Variants in IPO11 observed in about 807,000 individuals in gnomAD.
The protein encoded by IPO11 is importin-11.
In IPO11, 66 loss-of-function variants were observed where a neutral mutation model predicts 143.2. The observed-to-expected ratio is 0.46, with a 90% CI of 0.38 to 0.57. IPO11 has a LOEUF of 0.57. Ranked by LOEUF, IPO11 falls within the 20% of genes least tolerant of loss-of-function variation. The pLI, the probability that IPO11 is intolerant of heterozygous loss-of-function variation, is 0.00. For missense variants in IPO11, 1,026 were observed against 1,141.0 expected, an observed-to-expected ratio of 0.90 and a Z score of 1.45; for synonymous variants, 385 against 377.8, an observed-to-expected ratio of 1.02 and a Z score of -0.22.
Position 62,627,290 on chromosome 5 carries a change from A to G in IPO11, c.2900A>G (p.Gln967Arg). ...ACAGTGGATACGGAGATTGTCACCC[A>G]GCTACAGGAGTTTTTGCAAGGATTC... ...METVDTEIVTQLQEFLQGF is the reference protein window; with the variant it reads ...METVDTEIVTRLQEFLQGF The change falls in exon 30 of 30, where the codon CAG (glutamine) becomes CGG (arginine). Residue 967 changes from glutamine (Q) to arginine (R), a missense_variant. Physicochemically the swap from Gln to Arg is conservative, Grantham distance 43. Coordinates refer to ENST00000325324, the MANE Select transcript of IPO11 (RefSeq NM_016338.5). The G allele has an allele frequency of 6.2e-7, 1 of 1,613,838 alleles. No individual in the cohort carries two copies. The highest frequency in any genetic ancestry group is 1.1e-5 in the South Asian group (1 of 91,024).
intron 19 of IPO11, among the ~76,000 whole-genome samples, chr5:62,510,997 G>A (rs1478513294): frequency 3.3e-5 from 5 of 152,156 alleles, no homozygotes; most frequent in Non-Finnish European, 5.9e-5. Flanking sequence ...GCCTCGCAAA[G>A]TGCTGGGATT....
At chr5:62,528,826 A>G (rs910513189) in intron 21 of IPO11, among the ~76,000 whole-genome samples, 3 of 152,136 alleles carry the variant, frequency 2.0e-5, no homozygotes, top group Non-Finnish European at 4.4e-5. Context: ...GGGAATTTGA[A>G]TTTATTAGGG....
chr5:62,506,302 C>T lies in IPO11; in HGVS notation c.1727C>T (p.Thr576Ile), dbSNP rs200424592. 9 of 1,609,686 alleles carry T rather than the reference C, an allele frequency of 5.6e-6. No individual in the cohort carries two copies. Residue 576 changes from threonine (T) to isoleucine (I), a missense_variant, in exon 19 of 30, where the codon ACA (threonine) becomes ATA (isoleucine). Physicochemically the swap from Thr to Ile is moderately conservative, Grantham distance 89. This residue lies in a region of IPO11 where 237 missense variants were observed against 288.0 expected (regional missense o/e 0.82). Coordinates refer to ENST00000325324, the MANE Select transcript of IPO11 (RefSeq NM_016338.5). ...CTGCAGCAAGTTACAGAATGTGACA[C>T]AAAGATGCATGTTTTGCATGTCCTT... ...QLLQQVTECDTKMHVLHVLSC... is the reference protein window; with the variant it reads ...QLLQQVTECDIKMHVLHVLSC...
In IPO11 at chr5:62,585,870, G is replaced by A. The variant is rs910728413; in HGVS notation, c.2583-5707G>A. ...TGTTGATGAATTGAGTAAATGGAAG[G>A]GTAAATGAGAAGGAAGGTCAAAACT... On this transcript the variant is annotated intron_variant, in intron 27 of 29. Transcript: ENST00000325324. Among the ~76,000 whole-genome samples, 3 of 152,146 alleles carry A rather than the reference G, an allele frequency of 2.0e-5. 1 individual carries two copies. Among genetic ancestry groups the A allele is most frequent in the African/African-American group, 7.2e-5 (3 of 41,434 alleles).
At chr5:62,530,669 G>C in intron 21 of IPO11, 40 bp from the exon 22 acceptor site, 1 of 1,273,274 alleles carries the variant, frequency 7.9e-7, no homozygotes, top group Non-Finnish European at 1.1e-6. Flanking sequence ...GGCTTTAATG[G>C]GCATGGAAAG....
At chr5:62,581,029 T>C (rs1467327372) in intron 27 of IPO11, 1 of 1,551,118 alleles carries the variant, frequency 6.4e-7, no homozygotes, top group East Asian at 2.4e-5. Flanking sequence ...TTTTGACATT[T>C]TGCTAGCTTT....
chr5:62,611,390 A>G (rs1745922617), intron 29 of IPO11, among the ~76,000 whole-genome samples: 1 of 152,230 alleles, frequency 6.6e-6, no homozygotes, highest in African/African-American at 2.4e-5. Context: ...TAATCAAAAA[A>G]TAGTTTCAGA....
chr5:62,515,246 A>T (rs1741975393), intron 19 of IPO11, 142 bp from the exon 20 acceptor site: 2 of 423,158 alleles, frequency 4.7e-6, no homozygotes, highest in South Asian at 1.9e-4. Context: ...TTATTTCTTA[A>T]GGGTATAAGC....
At position 62,537,404 on chromosome 5, in the gene IPO11, AGGCTATTTT is replaced by A. The variant is rs535123820; in HGVS notation, c.2250+119_2250+127del. On this transcript the variant is annotated intron_variant, in intron 24 of 29. Coordinates refer to ENST00000325324, the MANE Select transcript of IPO11 (RefSeq NM_016338.5). ...GAGAAGAGTTGATATAGTTCTAGAC[AGGCTATTTT>A]GGCAGTTTTCAGTTGGTTTAATACC... is the stretch of plus-strand genomic sequence containing the variant. The A allele has an allele frequency of 3.7e-4, 250 of 682,522 alleles. No homozygotes were observed. The African/African-American group carries it at 4.1e-3, about 11-fold the overall frequency. 42.3% of individuals were successfully genotyped at this position (682,522 alleles called of 1,614,324 possible).
intron 27 of IPO11, among the ~76,000 whole-genome samples, chr5:62,561,571 A>G (rs1160420583): frequency 1.3e-5 from 2 of 152,200 alleles, no homozygotes; most frequent in Non-Finnish European, 2.9e-5. Flanking sequence ...CTCTGTTTAC[A>G]TAGATATATT....
chr5:62,489,187 A>G (rs1746516842), intron 13 of IPO11, 115 bp from the exon 14 acceptor site: 1 of 497,928 alleles, frequency 2.0e-6, no homozygotes, highest in Non-Finnish European at 3.3e-6. Flanking sequence ...GACACCATGA[A>G]ATGTGTTATA....
intron 15 of IPO11, 28 bp downstream of exon 15, chr5:62,490,248 A>G (rs765331842): frequency 7.2e-7 from 1 of 1,391,528 alleles, no homozygotes; most frequent in Non-Finnish European, 9.9e-7. Context: ...TATTTATTAT[A>G]CACTTACTTT....
chr5:62,483,679 G>T (rs1363932388), intron 10 of IPO11, among the ~76,000 whole-genome samples: 1 of 152,130 alleles, frequency 6.6e-6, no homozygotes, highest in Non-Finnish European at 1.5e-5. Context: ...TCATATGCGT[G>T]TGTGCCAAGA....
At chr5:62,545,319 G>A (rs965212306) in intron 24 of IPO11, among the ~76,000 whole-genome samples, 6 of 152,098 alleles carry the variant, frequency 3.9e-5, no homozygotes, top group Non-Finnish European at 7.3e-5. Context: ...TCTGATCTTT[G>A]ACAAACCTGA....
chr5:62,485,314 TTATGTTTAAA>T lies in IPO11; in HGVS notation c.1175-104_1175-95del, dbSNP rs1647629492. The T allele has an allele frequency of 8.1e-6, 7 of 860,122 alleles. No individual in the cohort carries two copies. The Admixed American group carries it at 1.4e-4, about 18-fold the overall frequency. The allele number at this position is 860,122 out of a possible 1,614,324, so 53.3% of individuals were successfully genotyped here. On this transcript the variant is annotated intron_variant, in intron 11 of 29. Transcript: ENST00000325324. ...TGTTCCCAAGGCTTTGCTCTTAATGTTATGTTTAAAAGAGTTCACAAAAATATTATACTGA... is the reference window on the plus strand; with the variant it reads ...TGTTCCCAAGGCTTTGCTCTTAATGTAGAGTTCACAAAAATATTATACTGA...
intron 1 of IPO11, among the ~76,000 whole-genome samples, chr5:62,420,291 CAAAA>C (rs1187591087): frequency 5.8e-5 from 4 of 68,954 alleles, no homozygotes; most frequent in African/African-American, 5.1e-5. Flanking sequence ...AGCTCCGTCT[CAAAA>C]AAAAAAAAAA....
intron 21 of IPO11, among the ~76,000 whole-genome samples, chr5:62,528,051 A>G (rs1046154926): frequency 1.3e-5 from 2 of 152,226 alleles, no homozygotes; most frequent in South Asian, 2.1e-4. Context: ...ATGGCATTCA[A>G]TGCCTGAGGA....
At chr5:62,565,497 A>C (rs1426197459) in intron 27 of IPO11, among the ~76,000 whole-genome samples, 3 of 152,160 alleles carry the variant, frequency 2.0e-5, no homozygotes, top group Non-Finnish European at 4.4e-5. Context: ...AGAAAAACAA[A>C]ACAAAACAAA....
intron 24 of IPO11, among the ~76,000 whole-genome samples, chr5:62,542,636 G>A (rs967616941): frequency 6.6e-6 from 1 of 152,124 alleles, no homozygotes; most frequent in Non-Finnish European, 1.5e-5. Flanking sequence ...ACAATGTTAG[G>A]AAAATTGGAT....
Sources: allele counts gnomAD v4.1 joint callset (sites outside exome capture counted in the v4.1 genomes callset), GRCh38; gene constraint gnomAD v4.1.1; regional missense constraint gnomAD v4.1.1; transcripts MANE v1.5; gene names NCBI Gene and HGNC (gene_info 2026-07-23, HGNC 2026-07-21).